The following RELN variants were observed in gnomAD, a reference collection of about 807,000 sequenced individuals.
RELN encodes reelin.
Under a neutral mutation model 427.6 loss-of-function variants are expected in RELN, and 108 were observed. The observed-to-expected ratio is 0.25, with a 90% CI of 0.22 to 0.30. RELN has a LOEUF of 0.30. Ranked by LOEUF, RELN falls within the 10% of genes least tolerant of loss-of-function variation. RELN has a pLI of 1.00. For missense variants in RELN, 3,715 were observed against 4,302.8 expected, an observed-to-expected ratio of 0.86 and a Z score of 3.82; for synonymous variants, 1,524 against 1,513.4, an observed-to-expected ratio of 1.01 and a Z score of -0.16.
intron 41 of RELN, among the ~76,000 whole-genome samples, chr7:103,547,585 C>A (rs1181764232): frequency 6.6e-6 from 1 of 152,220 alleles, no homozygotes; most frequent in Non-Finnish European, 1.5e-5. Flanking sequence ...GCGTGAGTCA[C>A]CATGTCCAGT....
intron 8 of RELN, among the ~76,000 whole-genome samples, chr7:103,715,100 C>T (rs1453377887): frequency 1.3e-5 from 2 of 151,880 alleles, no homozygotes; most frequent in Admixed American, 6.5e-5. Flanking sequence ...GTTTTGCCCA[C>T]CAAAAAATAC....
intron 2 of RELN, among the ~76,000 whole-genome samples, chr7:103,897,119 C>A (rs1248288582): frequency 2.0e-5 from 3 of 152,060 alleles, no homozygotes; most frequent in Non-Finnish European, 4.4e-5. Flanking sequence ...AACCCATCCC[C>A]ATGATTAAAT....
intron 2 of RELN, among the ~76,000 whole-genome samples, chr7:103,877,702 T>C (rs1794511725): frequency 6.6e-6 from 1 of 152,088 alleles, no homozygotes; most frequent in South Asian, 2.1e-4. Context: ...CTCTAGTTTT[T>C]TTCTCAGGAC....
At chr7:103,521,595 A>T (rs1190079998) in intron 48 of RELN, among the ~76,000 whole-genome samples, 2 of 152,216 alleles carry the variant, frequency 1.3e-5, no homozygotes, top group African/African-American at 2.4e-5. Flanking sequence ...GGAGTTGTCA[A>T]TTAGAAGGGC....
rs113235910 is a variant in RELN, at chr7:103,581,798, G to A, written c.4146-6093C>T. Among the ~76,000 whole-genome samples the A allele has an allele frequency of 4.1e-4, 62 of 152,008 alleles. No individual in the cohort carries two copies. In the East Asian group the frequency reaches 0.01, roughly 26 times the overall value. On this transcript the variant is annotated intron_variant, in intron 28 of 64. Transcript: ENST00000428762. ...CTCTCTTGGAATGCTGGAGCCCGCC[G>A]AACTGAAAAATACTGAGATGAAGAC...
intron 3 of RELN, among the ~76,000 whole-genome samples, chr7:103,784,534 C>G (rs1425322116): frequency 6.6e-6 from 1 of 152,080 alleles, no homozygotes; most frequent in Admixed American, 6.6e-5. Context: ...TGGGTTTTAT[C>G]AGAAATTTTC....
intron 3 of RELN, among the ~76,000 whole-genome samples, chr7:103,818,280 A>C (rs1266987623): frequency 6.6e-6 from 1 of 152,206 alleles, no homozygotes; most frequent in African/African-American, 2.4e-5. Flanking sequence ...CAACTGAATT[A>C]GTGTGCCTTA....
rs778948553 is a variant in RELN, at chr7:103,551,136, G to A, written c.6233C>T (p.Thr2078Ile). 2 of 1,613,944 alleles carry A rather than the reference G, an allele frequency of 1.2e-6. No homozygotes were observed. Among genetic ancestry groups the A allele is most frequent in the Admixed American group, 3.3e-5 (2 of 60,002 alleles). The change falls in exon 41 of 65, where the codon ACC becomes ATC. Residue 2078 changes from threonine to isoleucine, a missense_variant. Thr to Ile is a moderately conservative substitution (Grantham distance 89). Around this residue, in one of 4 missense-constraint regions of RELN, gnomAD observed 1,310 missense variants for 1,643.0 expected, o/e 0.80. Transcript: ENST00000428762. ...GCCCTGCATGGTTCCTGCGTAGTAG[G>A]TGCTGCTGGGGTGGTGCTCGGTGGA... ...LCSTEHHPSS[T>I]YYAGTMQGWR...
intron 2 of RELN, among the ~76,000 whole-genome samples, chr7:103,868,714 G>T (rs1386159082): frequency 6.6e-6 from 1 of 151,894 alleles, no homozygotes; most frequent in Non-Finnish European, 1.5e-5. Flanking sequence ...TCTTTCAAAC[G>T]CTTTGCCTTA....
intron 1 of RELN, among the ~76,000 whole-genome samples, chr7:103,932,534 CTAAAA>C (rs1265718314): frequency 1.3e-5 from 2 of 152,150 alleles, no homozygotes; most frequent in African/African-American, 4.8e-5. Context: ...ACCCCTGAAC[CTAAAA>C]TAAAAGCTTT....
chr7:103,750,647 T>C (rs535722278), intron 5 of RELN, among the ~76,000 whole-genome samples: 25 of 152,262 alleles, frequency 1.6e-4, no homozygotes, highest in African/African-American at 5.8e-4. Context: ...ACCCATTTTT[T>C]CTTCTCTTTC....
At chr7:103,870,036 C>T (rs1311299698) in intron 2 of RELN, among the ~76,000 whole-genome samples, 1 of 152,014 alleles carries the variant, frequency 6.6e-6, no homozygotes, top group Non-Finnish European at 1.5e-5. Context: ...TCCAATGAAC[C>T]CTTCATTCCA....
intron 2 of RELN, among the ~76,000 whole-genome samples, chr7:103,865,132 C>CAAAA (rs386410871): frequency 7.3e-3 from 479 of 65,992 alleles, no homozygotes; most frequent in Middle Eastern, 0.01. Flanking sequence ...GAAACTGTCT[C>CAAAA]AAAAAAAAAA....
At chr7:103,503,257 G>C in intron 51 of RELN, 27 bp from the exon 52 acceptor site, 2 of 1,597,564 alleles carry the variant, frequency 1.3e-6, no homozygotes, top group Non-Finnish European at 1.7e-6. Context: ...CAAGATCAAG[G>C]TATTAAAACT....
Position 103,772,366 on chromosome 7 carries a change from C to T in RELN, c.544+4191G>A, listed in dbSNP as rs181756472. On this transcript the variant is annotated intron_variant, in intron 4 of 64. Transcript: ENST00000428762. ...AATGAATGCACAAGTAAGTTGCTCTCCCTGTGCCTTTGTTTCCTCATCTTC... is the reference window on the plus strand; with the variant it reads ...AATGAATGCACAAGTAAGTTGCTCTTCCTGTGCCTTTGTTTCCTCATCTTC... Among the ~76,000 whole-genome samples, 18 of 152,316 alleles carry T rather than the reference C, an allele frequency of 1.2e-4. No homozygotes were observed. The East Asian group carries it at 3.5e-3, about 29-fold the overall frequency.
chr7:103,702,049 C>T (rs1834104329), intron 8 of RELN, among the ~76,000 whole-genome samples: 1 of 152,154 alleles, frequency 6.6e-6, no homozygotes. Flanking sequence ...CAGCAGTTTT[C>T]CTAGATTTAT....
chr7:103,667,833 A>C (rs1176849221), intron 11 of RELN, among the ~76,000 whole-genome samples: 1 of 152,238 alleles, frequency 6.6e-6, no homozygotes, highest in Non-Finnish European at 1.5e-5. Flanking sequence ...CAAAGCAAAG[A>C]CTATCCAGGG....
At chr7:103,978,471 C>T (rs1796926465) in intron 1 of RELN, among the ~76,000 whole-genome samples, 1 of 152,308 alleles carries the variant, frequency 6.6e-6, no homozygotes, top group African/African-American at 2.4e-5. Flanking sequence ...GCACACACCT[C>T]GTTCAGTATT....
At chr7:103,525,735 G>C (rs1461651467) in intron 46 of RELN, among the ~76,000 whole-genome samples, 1 of 150,904 alleles carries the variant, frequency 6.6e-6, no homozygotes, top group Admixed American at 6.6e-5. Flanking sequence ...GAAGGGCAGA[G>C]AATATCTCTG....
Sources: allele counts gnomAD v4.1 joint callset (sites outside exome capture counted in the v4.1 genomes callset), GRCh38; gene constraint gnomAD v4.1.1; regional missense constraint gnomAD v4.1.1; transcripts MANE v1.5; gene names NCBI Gene and HGNC (gene_info 2026-07-23, HGNC 2026-07-21).